The following MALRD1 variants were observed in gnomAD, a reference collection of about 807,000 sequenced individuals.
MALRD1 encodes MAM and LDL receptor class A domain containing 1.
In MALRD1, 247 loss-of-function variants were observed where a neutral mutation model predicts 242.1. The ratio of observed to expected loss-of-function variants is 1.02; its 90% CI spans 0.92 to 1.13. The LOEUF (loss-of-function observed/expected upper bound fraction) is 1.13, where lower values mean the gene tolerates loss of function less well. Among genes scored for constraint, MALRD1 ranks in the 50% most tolerant of loss-of-function variants. The pLI is 0.00. For synonymous variants in MALRD1, 995 were observed against 866.6 expected, an observed-to-expected ratio of 1.15 and a Z score of -2.60; for missense variants, 2,989 against 2,533.1, an observed-to-expected ratio of 1.18 and a Z score of -3.86.
At chr10:19,515,337 A>G (rs1279649623) in intron 31 of MALRD1, among the ~76,000 whole-genome samples, 1 of 152,180 alleles carries the variant, frequency 6.6e-6, no homozygotes, top group African/African-American at 2.4e-5. Flanking sequence ...AAATCTATGA[A>G]TCATAATTTC....
intron 26 of MALRD1, among the ~76,000 whole-genome samples, chr10:19,376,076 T>C (rs1845576800): frequency 6.6e-6 from 1 of 152,150 alleles, no homozygotes; most frequent in Admixed American, 6.6e-5. Context: ...GAGCCAAGAT[T>C]GCACCACTGT....
At chr10:19,161,430 C>G (rs1834395577) in intron 12 of MALRD1, among the ~76,000 whole-genome samples, 1 of 130,200 alleles carries the variant, frequency 7.7e-6, no homozygotes, top group African/African-American at 2.8e-5. Flanking sequence ...GTGCAGCGCA[C>G]CAGCGTGGCA....
At chr10:19,077,036 C>A (rs1176474920) in intron 2 of MALRD1, among the ~76,000 whole-genome samples, 1 of 151,820 alleles carries the variant, frequency 6.6e-6, no homozygotes, top group Non-Finnish European at 1.5e-5. Context: ...ATTCCTAAGT[C>A]TTTTATTGTT....
At chr10:19,108,668 C>T (rs1172859581) in intron 5 of MALRD1, among the ~76,000 whole-genome samples, 2 of 26,750 alleles carry the variant, frequency 7.5e-5, no homozygotes, top group Non-Finnish European at 1.2e-4. Context: ...CCACCCGCCT[C>T]GGCCTCCCAA....
intron 33 of MALRD1, among the ~76,000 whole-genome samples, chr10:19,591,168 C>T (rs1049263974): frequency 6.6e-6 from 1 of 152,170 alleles, no homozygotes; most frequent in Non-Finnish European, 1.5e-5. Flanking sequence ...GTAGCCTTTT[C>T]ACATTGGCTT....
chr10:19,462,098 C>G (rs146092357), intron 29 of MALRD1, among the ~76,000 whole-genome samples: 100 of 152,272 alleles, frequency 6.6e-4, no homozygotes, highest in Non-Finnish European at 1.3e-3. Context: ...GAAGGAGTGT[C>G]ACCAGAATAG....
intron 32 of MALRD1, among the ~76,000 whole-genome samples, chr10:19,537,627 T>A (rs1834749460): frequency 6.6e-6 from 1 of 152,196 alleles, no homozygotes; most frequent in Non-Finnish European, 1.5e-5. Context: ...AGAAGATGAG[T>A]AATTACTTAT....
At chr10:19,481,506 A>G (rs1003150177) in intron 29 of MALRD1, among the ~76,000 whole-genome samples, 10 of 152,178 alleles carry the variant, frequency 6.6e-5, no homozygotes, top group African/African-American at 1.9e-4. Flanking sequence ...TCCTTCTAGA[A>G]TAAGAGAGCA....
At chr10:19,131,226 C>G (rs1018965510) in intron 8 of MALRD1, among the ~76,000 whole-genome samples, 3 of 152,110 alleles carry the variant, frequency 2.0e-5, no homozygotes, top group Non-Finnish European at 4.4e-5. Flanking sequence ...TACATCTTTC[C>G]ATGAATAGAA....
At chr10:19,558,191 T>C (rs1325181129) in intron 32 of MALRD1, among the ~76,000 whole-genome samples, 3 of 152,164 alleles carry the variant, frequency 2.0e-5, no homozygotes, top group African/African-American at 7.2e-5. Flanking sequence ...ATGTCATCTA[T>C]GAACAGTTTT....
chr10:19,392,503 G>A (rs560002444), intron 28 of MALRD1, among the ~76,000 whole-genome samples: 28 of 152,256 alleles, frequency 1.8e-4, no homozygotes, highest in Non-Finnish European at 2.5e-4. Context: ...AATGACTCCT[G>A]TAATAAAAAA....
intron 32 of MALRD1, among the ~76,000 whole-genome samples, chr10:19,553,524 T>A (rs1035923972): frequency 6.6e-6 from 1 of 152,176 alleles, no homozygotes; most frequent in Non-Finnish European, 1.5e-5. Flanking sequence ...CTAAATTCTC[T>A]GATTTCTAGT....
intron 26 of MALRD1, among the ~76,000 whole-genome samples, chr10:19,371,751 T>G (rs1361182137): frequency 1.3e-5 from 2 of 152,250 alleles, no homozygotes; most frequent in African/African-American, 2.4e-5. Context: ...GTATGTATTA[T>G]GTGCATATAT....
Position 19,352,080 on chromosome 10 carries a change from A to G in MALRD1, c.4224A>G (p.Gln1408=), listed in dbSNP as rs1026702963. 5 of 1,550,360 alleles carry G rather than the reference A, an allele frequency of 3.2e-6. No homozygotes were observed. The Admixed American group carries it at 9.8e-5, about 30-fold the overall frequency. The change falls in exon 26 of 40, where the codon CAA becomes CAG. Residue 1408 remains glutamine (Q), a synonymous_variant. Coordinates refer to ENST00000454679, the MANE Select transcript of MALRD1 (RefSeq NM_001142308.3). The part of the protein sequence containing the change: ...LTLMQVSVTN[Q]TKVLLNLTVE... The stretch of plus-strand genomic sequence containing the variant: ...TAATGCAGGTGTCAGTCACAAACCA[A>G]ACGAAGGTTCTACTTAACCTCACTG...
At chr10:19,535,456 C>A (rs913148213) in intron 32 of MALRD1, among the ~76,000 whole-genome samples, 1 of 150,396 alleles carries the variant, frequency 6.6e-6, no homozygotes, top group African/African-American at 2.4e-5. Flanking sequence ...ATATTTCCCT[C>A]ATAAATATAT....
chr10:19,399,781 T>TA lies in MALRD1; in HGVS notation c.4845+10173dup, dbSNP rs1337631648. ...TAACAAATAAAGAAATATTTAGACT[T>TA]ACATTTTCTAGATTAGTGTATTTCT... On this transcript the variant is annotated intron_variant, in intron 28 of 39. Transcript: ENST00000454679. Among the ~76,000 whole-genome samples the TA allele has an allele frequency of 5.9e-5, 9 of 152,328 alleles. No homozygotes were observed. The East Asian group carries it at 1.7e-3, about 29-fold the overall frequency.
chr10:19,351,555 G>A (rs1609615), intron 25 of MALRD1, among the ~76,000 whole-genome samples: 85,997 of 151,948 alleles, frequency 0.57, 24,486 homozygotes, highest in Middle Eastern at 0.6. Context: ...AATGGCAGTG[G>A]AATAAGCAAA....
chr10:19,677,555 A>G (rs1842186161), intron 36 of MALRD1, among the ~76,000 whole-genome samples: 1 of 152,194 alleles, frequency 6.6e-6, no homozygotes, highest in South Asian at 2.1e-4. Context: ...TCCCTTGTAC[A>G]TTCTGGATGT....
chr10:19,387,511 C>G lies in MALRD1; in HGVS notation c.4442-17C>G, dbSNP rs1487543201. On this transcript the variant is annotated splice_polypyrimidine_tract_variant and intron_variant, in intron 26 of 39. Transcript: ENST00000454679. ...AGGAGTGTTCGCTCATTCTTGTTTT[C>G]TTTTGTTTTGTTTTAGGTTTCTGCC... 2.6e-6 allele frequency: 4 copies of G among 1,546,640 alleles called. No individual in the cohort carries two copies. Among genetic ancestry groups the G allele is most frequent in the South Asian group, 1.2e-5 (1 of 83,546 alleles).
Sources: gnomAD v4.1 joint callset for allele counts (sites outside exome capture counted in the v4.1 genomes callset) on GRCh38, gnomAD v4.1.1 for gene constraint, MANE v1.5 for transcripts, NCBI Gene and HGNC (gene_info 2026-07-23, HGNC 2026-07-21) for gene names.